Variants in CTNNA2 observed in about 807,000 individuals in gnomAD.
The protein encoded by CTNNA2 is catenin alpha 2.
In CTNNA2, 42 loss-of-function variants were observed where a neutral mutation model predicts 101.0. The ratio of observed to expected loss-of-function variants is 0.42; its 90% confidence interval spans 0.32 to 0.54. CTNNA2 has a LOEUF of 0.54. Ranked by LOEUF, CTNNA2 falls within the 20% of genes least tolerant of loss-of-function variation. The probability of loss-of-function intolerance (pLI) is 0.14; values close to 1 mark genes in which losing one functional copy is unlikely to be tolerated. For synonymous variants in CTNNA2, 450 were observed against 456.4 expected, an observed-to-expected ratio of 0.99 and a Z score of 0.18; for missense variants, 871 against 1,223.1, an observed-to-expected ratio of 0.71 and a Z score of 4.29.
chr2:79,541,282 G>A (rs1673392417), intron 1 of CTNNA2, among the ~76,000 whole-genome samples: 1 of 150,426 alleles, frequency 6.6e-6, no homozygotes, highest in African/African-American at 2.4e-5. Context: ...AGAATAGAAT[G>A]GAGCTGCTTT....
chr2:79,196,582 A>G (rs1673964157), intron 1 of CTNNA2, among the ~76,000 whole-genome samples: 1 of 152,196 alleles, frequency 6.6e-6, no homozygotes, highest in South Asian at 2.1e-4. Context: ...AACAGTATCT[A>G]TTTTGTACAA....
chr2:80,634,346 G>C (rs916974133), intron 18 of CTNNA2, among the ~76,000 whole-genome samples: 2 of 152,098 alleles, frequency 1.3e-5, no homozygotes, highest in African/African-American at 4.8e-5. Flanking sequence ...ATGGATGTGA[G>C]GGAGCAAGCC....
intron 7 of CTNNA2, among the ~76,000 whole-genome samples, chr2:80,053,174 C>G (rs902876517): frequency 6.6e-6 from 1 of 152,164 alleles, no homozygotes; most frequent in Non-Finnish European, 1.5e-5. Flanking sequence ...TACTCGGAAG[C>G]AAATTATTCA....
chr2:79,420,213 C>G (rs1678526486), intron 4 of CTNNA2, among the ~76,000 whole-genome samples: 1 of 152,106 alleles, frequency 6.6e-6, no homozygotes, highest in Admixed American at 6.6e-5. Flanking sequence ...TAAAGAGCAA[C>G]ATCTACTATA....
chr2:79,774,165 G>A (rs1040797075), intron 3 of CTNNA2, among the ~76,000 whole-genome samples: 1 of 152,176 alleles, frequency 6.6e-6, no homozygotes, highest in African/African-American at 2.4e-5. Flanking sequence ...ACTTTTTAAT[G>A]TTTGTTTCTG....
In CTNNA2 at chr2:80,089,596, A is replaced by T. The variant is rs955665511; in HGVS notation, c.1056+179799A>T. 2.0e-5 allele frequency among the ~76,000 whole-genome samples: 3 copies of T among 152,058 alleles called. No homozygotes were observed. The East Asian group carries it at 5.8e-4, about 29-fold the overall frequency. On this transcript the variant is annotated intron_variant, in intron 7 of 18. Transcript: ENST00000402739. ...AATAAAAGAAACAACAAAATGCAAA[A>T]AAAATTAGTAAAATTAGATTAAGAA...
intron 2 of CTNNA2, among the ~76,000 whole-genome samples, chr2:79,234,729 A>T (rs1674535044): frequency 1.3e-5 from 2 of 152,172 alleles, no homozygotes; most frequent in African/African-American, 4.8e-5. Context: ...TTCATTTTGT[A>T]AAATTCTTTT....
chr2:79,343,123 A>G (rs1218068525), intron 3 of CTNNA2, among the ~76,000 whole-genome samples: 1 of 152,210 alleles, frequency 6.6e-6, no homozygotes, highest in African/African-American at 2.4e-5. Context: ...TTTTTAAAAT[A>G]CCATTTTTGC....
chr2:80,370,574 A>G (rs1429637968), intron 7 of CTNNA2, among the ~76,000 whole-genome samples: 1 of 152,148 alleles, frequency 6.6e-6, no homozygotes, highest in East Asian at 1.9e-4. Flanking sequence ...TCGAGGAGAA[A>G]AAAACTTAAA....
intron 7 of CTNNA2, among the ~76,000 whole-genome samples, chr2:80,339,229 A>G (rs1050870044): frequency 7.2e-5 from 11 of 152,302 alleles, no homozygotes; most frequent in Admixed American, 2.6e-4. Flanking sequence ...TTGAGTTTCA[A>G]TAATCAACTC....
chr2:79,475,878 T>C (rs1036165746), intron 4 of CTNNA2, among the ~76,000 whole-genome samples: 2 of 152,058 alleles, frequency 1.3e-5, no homozygotes, highest in African/African-American at 4.8e-5. Flanking sequence ...AAAGAAATGC[T>C]AAAATAAGAT....
chr2:79,985,736 G>T (rs772266430), intron 7 of CTNNA2, among the ~76,000 whole-genome samples: 2 of 152,190 alleles, frequency 1.3e-5, no homozygotes, highest in African/African-American at 2.4e-5. Context: ...CCAGCAGCAG[G>T]GAAGTCTGAG....
At chr2:79,834,976 A>G (rs1380132098) in intron 3 of CTNNA2, among the ~76,000 whole-genome samples, 1 of 152,144 alleles carries the variant, frequency 6.6e-6, no homozygotes, top group Non-Finnish European at 1.5e-5. Context: ...ACATTTGCAT[A>G]TATGTAAGTT....
At chr2:80,267,377 G>A (rs1403946576) in intron 7 of CTNNA2, among the ~76,000 whole-genome samples, 1 of 152,244 alleles carries the variant, frequency 6.6e-6, no homozygotes, top group African/African-American at 2.4e-5. Flanking sequence ...GAGAAAGAGA[G>A]AGTTGGGAAT....
At chr2:79,769,240 C>A (rs1673400540) in intron 3 of CTNNA2, among the ~76,000 whole-genome samples, 1 of 152,096 alleles carries the variant, frequency 6.6e-6, no homozygotes, top group African/African-American at 2.4e-5. Flanking sequence ...GGAATGCCCT[C>A]TTGATTGGAC....
intron 2 of CTNNA2, among the ~76,000 whole-genome samples, chr2:79,274,681 T>G (rs575342307): frequency 1.6e-3 from 244 of 152,194 alleles, no homozygotes; most frequent in Admixed American, 4.1e-3. Context: ...TATTGTGAGG[T>G]TTCTCCATAT....
At position 79,765,580 on chromosome 2, in the gene CTNNA2, A is replaced by G. The variant is rs536541562; in HGVS notation, c.298+20998A>G. Among the ~76,000 whole-genome samples the G allele has an allele frequency of 5.3e-5, 8 of 152,292 alleles. No individual in the cohort carries two copies. In the East Asian group the frequency reaches 1.5e-3, roughly 29 times the overall value. ...CTGGACTCCTAGACTGCCCTTCCAGAAAGATCTATCCCCACATCCCAGCAT... is the reference window on the plus strand; with the variant it reads ...CTGGACTCCTAGACTGCCCTTCCAGGAAGATCTATCCCCACATCCCAGCAT... On this transcript the variant is annotated intron_variant, in intron 3 of 18. Transcript: ENST00000402739.
chr2:79,681,628 G>C (rs1683568844), intron 2 of CTNNA2, among the ~76,000 whole-genome samples: 1 of 152,156 alleles, frequency 6.6e-6, no homozygotes, highest in Admixed American at 6.5e-5. Context: ...CTTCACACAT[G>C]CATCAAAATC....
At chr2:79,454,858 A>C (rs1175245803) in intron 4 of CTNNA2, among the ~76,000 whole-genome samples, 5 of 152,344 alleles carry the variant, frequency 3.3e-5, no homozygotes, top group Admixed American at 3.3e-4. Context: ...CCATAGAGGC[A>C]GACCTGTGAA....
Sources: gnomAD v4.1 joint callset for allele counts (sites outside exome capture counted in the v4.1 genomes callset) on GRCh38, gnomAD v4.1.1 for gene constraint, MANE v1.5 for transcripts, NCBI Gene and HGNC (gene_info 2026-07-23, HGNC 2026-07-21) for gene names.